PCDHGB1: variants seen among roughly 807,000 people sequenced by gnomAD.
PCDHGB1 encodes protocadherin gamma-B1.
PCDHGB1 carries 34 observed loss-of-function variants against 56.6 expected under a neutral mutation model. The observed-to-expected ratio is 0.60, with a 90% CI of 0.46 to 0.80. The LOEUF is 0.80. Among genes scored for constraint, PCDHGB1 ranks in the 30% least tolerant of loss-of-function variants. The pLI is 0.00. For missense variants in PCDHGB1, 1,278 were observed against 1,204.6 expected (o/e 1.06, Z -0.90); for synonymous variants, 561 against 505.9 (o/e 1.11, Z -1.46).
chr5:141,396,943 G>A (rs1388753275), intron 1 of PCDHGB1, among the ~76,000 whole-genome samples: 6 of 152,178 alleles, frequency 3.9e-5, no homozygotes, highest in African/African-American at 1.2e-4. Flanking sequence ...TGCCCTGGTA[G>A]GAAAGAAAAT....
intron 2 of PCDHGB1, among the ~76,000 whole-genome samples, chr5:141,499,016 GGAAGGAA>G (rs2099788564): frequency 7.0e-6 from 1 of 143,496 alleles, no homozygotes; most frequent in Non-Finnish European, 1.5e-5. Flanking sequence ...AAGGAAGGAA[GGAAGGAA>G]GGAAGAAAAG....
intron 1 of PCDHGB1, chr5:141,422,289 T>A: frequency 1.3e-6 from 2 of 1,553,678 alleles, no homozygotes; most frequent in Non-Finnish European, 1.7e-6. Context: ...CCTCTTCTAT[T>A]AATTCAATTC....
Position 141,476,854 on chromosome 5 carries a change from G to A in PCDHGB1, c.2410-17953G>A. The A allele has an allele frequency of 6.2e-7, 1 of 1,613,860 alleles. No individual in the cohort carries two copies. The highest frequency in any genetic ancestry group is 1.1e-5 in the South Asian group (1 of 91,088). ...ATGACAATGCGCCTGTCTTCAACCA[G>A]TCCTTGTACCGGGCGCGCGTCCTGG... On this transcript the variant is annotated intron_variant, in intron 1 of 3. Transcript: ENST00000523390. This position sits in a 1 kb window ranked among gnomAD's most constrained non-coding sequence, Gnocchi z 7.6.
At position 141,485,044 on chromosome 5, in the gene PCDHGB1, G is replaced by A; in HGVS notation, c.2410-9763G>A. 2 of 737,674 alleles carry A rather than the reference G, an allele frequency of 2.7e-6. No individual in the cohort carries two copies. The highest frequency in any genetic ancestry group is 1.8e-5 in the African/African-American group (1 of 56,792). The allele number at this position is 737,674 out of a possible 1,614,324, so 45.7% of individuals were successfully genotyped here. A position where few individuals can be genotyped will look rare whatever the true frequency, so the allele number is the denominator to read the frequency against. ...GCAAAAACGGCGCGTAACCCTTGCG[G>A]CGCCGGCCGAACCGCGCCAGAGCTG... On this transcript the variant is annotated intron_variant, in intron 1 of 3. Coordinates refer to ENST00000523390, the MANE Select transcript of PCDHGB1 (RefSeq NM_018922.3). This position sits in a 1 kb window ranked among gnomAD's most constrained non-coding sequence, Gnocchi z 5.7.
In PCDHGB1 at chr5:141,473,538, T is replaced by C. The variant is rs544537855; in HGVS notation, c.2410-21269T>C. Among the ~76,000 whole-genome samples, 58 of 152,328 alleles carry C rather than the reference T, an allele frequency of 3.8e-4. 1 individual carries two copies. Among genetic ancestry groups the C allele is most frequent in the African/African-American group, 1.3e-3 (55 of 41,576 alleles). Reference sequence around the variant, plus strand: ...AAGGATCCTGGTTTTAACTGGGGCCTAATGGAAGACCTCTATTAGGAAATA... The same window carrying C: ...AAGGATCCTGGTTTTAACTGGGGCCCAATGGAAGACCTCTATTAGGAAATA... On this transcript the variant is annotated intron_variant, in intron 1 of 3. Coordinates refer to ENST00000523390, the MANE Select transcript of PCDHGB1 (RefSeq NM_018922.3).
At chr5:141,372,866 T>A in intron 1 of PCDHGB1, 1 of 1,393,006 alleles carries the variant, frequency 7.2e-7, no homozygotes, top group Non-Finnish European at 9.6e-7. Context: ...ATTCATTGAT[T>A]TAGAGATAAA....
intron 1 of PCDHGB1, chr5:141,428,062 A>G: frequency 6.2e-7 from 1 of 1,609,084 alleles, no homozygotes; most frequent in African/African-American, 1.3e-5. Flanking sequence ...GTGGCGGTGG[A>G]CGCAGATTCG....
intron 1 of PCDHGB1, chr5:141,375,531 A>G: frequency 1.2e-6 from 2 of 1,614,040 alleles, no homozygotes; most frequent in Non-Finnish European, 1.7e-6. Context: ...GACGTGGACC[A>G]GAACGCCCAA....
chr5:141,364,248 G>A, intron 1 of PCDHGB1: 1 of 1,480,674 alleles, frequency 6.8e-7, no homozygotes. Context: ...TTTCGTCAGG[G>A]AATATGTACC....
rs373591066 is a variant in PCDHGB1, at chr5:141,404,487, G to T, written c.2409+51818G>T. 8 of 1,613,840 alleles carry T rather than the reference G, an allele frequency of 5.0e-6. No homozygotes were observed. In the East Asian group the frequency reaches 1.8e-4, roughly 36 times the overall value. The stretch of plus-strand genomic sequence containing the variant: ...TATGTCTCTATTAACTCAGACACTG[G>T]TGTGCTGTATGCTCTGTGCTCCTTT... On this transcript the variant is annotated intron_variant, in intron 1 of 3. Transcript: ENST00000523390.
At chr5:141,394,513 T>C in intron 1 of PCDHGB1, 1 of 1,614,112 alleles carries the variant, frequency 6.2e-7, no homozygotes, top group Non-Finnish European at 8.5e-7. Flanking sequence ...TACCCCGCCC[T>C]CCCCACAGAC....
At chr5:141,355,793 G>C (rs1157536797) in intron 1 of PCDHGB1, 1 of 1,613,456 alleles carries the variant, frequency 6.2e-7, no homozygotes, top group African/African-American at 1.3e-5. Flanking sequence ...GTGCTGGAAC[G>C]CGCTCTAGAT....
In PCDHGB1 at chr5:141,365,839, C is replaced by A. The variant is rs1212060265; in HGVS notation, c.2409+13170C>A. ...CATTTCAGGGGGCGCCCTTGTCCTC[C>A]TATGTATCCATTAACTCTGACACCG... On this transcript the variant is annotated intron_variant, in intron 1 of 3. Transcript: ENST00000523390. The A allele has an allele frequency of 1.9e-6, 3 of 1,613,840 alleles. No homozygotes were observed. The African/African-American group carries it at 4.0e-5, about 22-fold the overall frequency.
At chr5:141,417,532 T>C (rs2096129143) in intron 1 of PCDHGB1, 1 of 284,726 alleles carries the variant, frequency 3.5e-6, no homozygotes, top group African/African-American at 2.2e-5. Flanking sequence ...ACTCGTAGTT[T>C]AAAAAAAATT....
intron 1 of PCDHGB1, chr5:141,413,387 T>A (rs902208287): frequency 1.2e-6 from 2 of 1,613,908 alleles, no homozygotes; most frequent in Non-Finnish European, 1.7e-6. Context: ...GTCCGCATAG[T>A]CTCCAGAGGT....
chr5:141,455,852 T>C (rs2154565235), intron 1 of PCDHGB1, among the ~76,000 whole-genome samples: 1 of 148,622 alleles, frequency 6.7e-6, no homozygotes, highest in South Asian at 2.1e-4. Context: ...CATAAAATAA[T>C]TTCTTTTATT....
intron 1 of PCDHGB1, chr5:141,409,594 C>A: frequency 1.2e-6 from 2 of 1,613,900 alleles, no homozygotes; most frequent in Non-Finnish European, 1.7e-6. Flanking sequence ...TGGCCGAGAA[C>A]AACCCGCCAG....
rs151239937 is a variant in PCDHGB1, at chr5:141,485,980, G to A, written c.2410-8827G>A. 1.9e-6 allele frequency: 3 copies of A among 1,614,020 alleles called. No homozygotes were observed. The highest frequency in any genetic ancestry group is 2.5e-6 in the Non-Finnish European group (3 of 1,180,004). Reference sequence around the variant, plus strand: ...TCATCCAGCTCAATGCCTCAGACCCGGACCTGGGTCCCAGTGGTAACGTCA... The same window carrying A: ...TCATCCAGCTCAATGCCTCAGACCCAGACCTGGGTCCCAGTGGTAACGTCA... On this transcript the variant is annotated intron_variant, in intron 1 of 3. Coordinates refer to ENST00000523390, the MANE Select transcript of PCDHGB1 (RefSeq NM_018922.3). The surrounding 1 kb of genome is among the most constrained non-coding windows in gnomAD (Gnocchi z 5.7).
chr5:141,403,229 G>C, intron 1 of PCDHGB1: 1 of 1,613,950 alleles, frequency 6.2e-7, no homozygotes, highest in Non-Finnish European at 8.5e-7. Flanking sequence ...GATAGACCGG[G>C]AGGAGCTCTG....
Sources: allele counts gnomAD v4.1 joint callset (sites outside exome capture counted in the v4.1 genomes callset), GRCh38; gene constraint gnomAD v4.1.1; non-coding constraint Gnocchi (gnomAD v3.1); transcripts MANE v1.5; gene names NCBI Gene and HGNC (gene_info 2026-07-23, HGNC 2026-07-21).